SH3TC2: variants seen among roughly 807,000 people sequenced by gnomAD.
The protein encoded by SH3TC2 is SH3 domain and tetratricopeptide repeats 2, also known as SH3 domain and tetratricopeptide repeat-containing protein 2.
A neutral mutation model predicts 124.5 loss-of-function variants in SH3TC2; 87 were observed. The observed-to-expected ratio is 0.70, with a 90% CI of 0.59 to 0.84. SH3TC2 has a LOEUF of 0.84. Among genes scored for constraint, SH3TC2 ranks in the 40% least tolerant of loss-of-function variants. The probability of loss-of-function intolerance (pLI) is 0.00; values close to 1 mark genes in which losing one functional copy is unlikely to be tolerated. For missense variants in SH3TC2, 1,536 were observed against 1,566.4 expected (o/e 0.98, Z 0.33); for synonymous variants, 634 against 628.5 (o/e 1.01, Z -0.13).
intron 1 of SH3TC2, among the ~76,000 whole-genome samples, chr5:149,057,897 C>G (rs1754679054): frequency 6.6e-6 from 1 of 152,196 alleles, no homozygotes; most frequent in Non-Finnish European, 1.5e-5. Context: ...TATGCAGTGC[C>G]ATGGCCACAT....
At chr5:149,009,675 T>C (rs1406491345) in intron 14 of SH3TC2, among the ~76,000 whole-genome samples, 2 of 152,248 alleles carry the variant, frequency 1.3e-5, no homozygotes, top group Non-Finnish European at 2.9e-5. Context: ...CAGTTGGTGA[T>C]GAACAACAAT....
rs1561751880 is a variant in SH3TC2, at chr5:148,993,948, TG to T, written c.*10762del. 6.6e-6 allele frequency among the ~76,000 whole-genome samples: 1 copy of T among 152,094 alleles called. No homozygotes were observed. Among genetic ancestry groups the T allele is most frequent in the Non-Finnish European group, 1.5e-5 (1 of 67,996 alleles). On this transcript the variant is annotated 3_prime_UTR_variant, in exon 17 of 17. Transcript: ENST00000515425. ...GGCACTTTACATATATTCACACATT[TG>T]ATCCACACAACAATCCCATGAGATA...
At chr5:149,018,614 A>G (rs1753916469) in intron 12 of SH3TC2, among the ~76,000 whole-genome samples, 1 of 152,156 alleles carries the variant, frequency 6.6e-6, no homozygotes, top group Non-Finnish European at 1.5e-5. Context: ...CCATGATTCA[A>G]TTACCTCCCA....
At position 148,998,286 on chromosome 5, in the gene SH3TC2, C is replaced by T. The variant is rs1193310730; in HGVS notation, c.*6425G>A. ...AAAAAAGGATTTGACAGCCACTACC[C>T]TAGTCTGATTCAGAACTATTAATAT... On this transcript the variant is annotated 3_prime_UTR_variant, in exon 17 of 17. Coordinates refer to ENST00000515425, the MANE Select transcript of SH3TC2 (RefSeq NM_024577.4). 6.6e-6 allele frequency among the ~76,000 whole-genome samples: 1 copy of T among 152,192 alleles called. No individual in the cohort carries two copies. Among genetic ancestry groups the T allele is most frequent in the African/African-American group, 2.4e-5 (1 of 41,438 alleles).
intron 2 of SH3TC2, among the ~76,000 whole-genome samples, chr5:149,050,688 AT>A (rs1039269421): frequency 2.0e-5 from 3 of 152,228 alleles, no homozygotes; most frequent in Non-Finnish European, 2.9e-5. Flanking sequence ...GTTTGACAGA[AT>A]TTGAAATTGG....
intron 4 of SH3TC2, chr5:149,043,843 T>C (rs1754412784): frequency 6.5e-6 from 1 of 153,024 alleles, no homozygotes. Flanking sequence ...CTGCACAAAA[T>C]CTGTCCTTGT....
intron 12 of SH3TC2, chr5:149,026,252 C>G (rs549992327): frequency 6.7e-5 from 24 of 357,550 alleles, no homozygotes; most frequent in African/African-American, 4.6e-4. Context: ...TTACTGAGAC[C>G]TATCTATGTA....
In SH3TC2 at chr5:148,996,867, G is replaced by A. The variant is rs569635271; in HGVS notation, c.*7844C>T. Among the ~76,000 whole-genome samples the A allele has an allele frequency of 3.7e-4, 57 of 152,252 alleles. No homozygotes were observed. Among genetic ancestry groups the A allele is most frequent in the African/African-American group, 1.1e-3 (45 of 41,550 alleles). ...GAAGGTTAAAATAAAAGACAGAAGCGAGGTATCTATTTTCAAAATCCTTTT... is the reference window on the plus strand; with the variant it reads ...GAAGGTTAAAATAAAAGACAGAAGCAAGGTATCTATTTTCAAAATCCTTTT... On this transcript the variant is annotated 3_prime_UTR_variant, in exon 17 of 17. Coordinates refer to ENST00000515425, the MANE Select transcript of SH3TC2 (RefSeq NM_024577.4).
chr5:149,007,216 G>A, intron 15 of SH3TC2, 139 bp from the exon 16 acceptor site: 3 of 771,214 alleles, frequency 3.9e-6, no homozygotes, highest in Middle Eastern at 2.2e-4. Flanking sequence ...AGACAGAAGA[G>A]GTGCCTGTAC....
At chr5:149,046,997 C>A (rs1278401670) in intron 3 of SH3TC2, 1 of 152,138 alleles carries the variant, frequency 6.6e-6, no homozygotes, top group Non-Finnish European at 1.5e-5. Flanking sequence ...TCAGTTTGTA[C>A]CAGATTCATG....
chr5:149,034,788 G>T (rs1308818986), intron 8 of SH3TC2, among the ~76,000 whole-genome samples: 6 of 152,032 alleles, frequency 3.9e-5, no homozygotes. Flanking sequence ...CAATAAAGAT[G>T]GTCAACAAAA....
intron 15 of SH3TC2, chr5:149,007,957 A>T (rs1753718596): frequency 6.6e-6 from 1 of 152,648 alleles, no homozygotes; most frequent in Non-Finnish European, 1.5e-5. Context: ...CCAGTGAGGG[A>T]TAAAGAGTGC....
chr5:149,057,166 TTAATC>T (rs1202994249), intron 1 of SH3TC2, among the ~76,000 whole-genome samples: 1 of 152,226 alleles, frequency 6.6e-6, no homozygotes, highest in Non-Finnish European at 1.5e-5. Flanking sequence ...TATTAATACT[TTAATC>T]TACTATTTAA....
At position 148,994,696 on chromosome 5, in the gene SH3TC2, A is replaced by ATGG. The variant is rs1753477788; in HGVS notation, c.*10014_*10015insCCA. Among the ~76,000 whole-genome samples the ATGG allele has an allele frequency of 2.1e-5, 3 of 145,554 alleles. No individual in the cohort carries two copies. Among genetic ancestry groups the ATGG allele is most frequent in the African/African-American group, 7.9e-5 (3 of 38,206 alleles). On this transcript the variant is annotated 3_prime_UTR_variant, in exon 17 of 17. Coordinates refer to ENST00000515425, the MANE Select transcript of SH3TC2 (RefSeq NM_024577.4). Reference sequence around the variant, plus strand: ...GTTGGATAAATGAATGGATGGATGGAAGGATGGATGGATGGATGGATGGAT... The same window carrying ATGG: ...GTTGGATAAATGAATGGATGGATGGATGGAGGATGGATGGATGGATGGATGGAT...
chr5:149,026,428 T>C (rs965193420), intron 12 of SH3TC2, 144 bp downstream of exon 12: 5 of 907,428 alleles, frequency 5.5e-6, no homozygotes, highest in Non-Finnish European at 7.0e-6. Context: ...GATGGATGCA[T>C]TGTGGTGGCT....
Position 149,027,383 on chromosome 5 carries a change from G to A in SH3TC2, c.2349C>T (p.Ala783=), listed in dbSNP as rs1754086154. ...PDGAIHYLSQ[A]LVLGQLLGEQ... ...CACCCAGCAGCTGCCCTAGCACCAA[G>A]GCCTGGCTCAGGTAGTGGATGGCAC... Residue 783 remains alanine (A), a synonymous_variant, in exon 11 of 17, where the codon GCC becomes GCT. Coordinates refer to ENST00000515425, the MANE Select transcript of SH3TC2 (RefSeq NM_024577.4). 19 of 1,614,126 alleles carry A rather than the reference G, an allele frequency of 1.2e-5. No individual in the cohort carries two copies. The highest frequency in any genetic ancestry group is 1.6e-5 in the Non-Finnish European group (19 of 1,180,012).
Position 148,996,758 on chromosome 5 carries a change from C to T in SH3TC2, c.*7953G>A, listed in dbSNP as rs1753515543. On this transcript the variant is annotated 3_prime_UTR_variant, in exon 17 of 17. Transcript: ENST00000515425. ...AAAGTTCAATAACCAAAAAAGTCAC[C>T]TTCACACATATTTGGCCCGTGCAAG... 6.6e-6 allele frequency among the ~76,000 whole-genome samples: 1 copy of T among 152,136 alleles called. No individual in the cohort carries two copies. The highest frequency in any genetic ancestry group is 2.1e-4 in the South Asian group (1 of 4,820).
intron 1 of SH3TC2, chr5:149,062,280 T>C (rs755181293): frequency 1.9e-6 from 1 of 520,796 alleles, no homozygotes; most frequent in East Asian, 5.6e-5. Flanking sequence ...CACAGGGCCC[T>C]ACCTTGATTC....
At chr5:149,011,681 A>G (rs1418313439) in intron 13 of SH3TC2, among the ~76,000 whole-genome samples, 5 of 152,342 alleles carry the variant, frequency 3.3e-5, no homozygotes, top group African/African-American at 1.2e-4. Context: ...GGAAGCATGC[A>G]ATCAGGGTTA....
Sources: gnomAD v4.1 joint callset for allele counts (sites outside exome capture counted in the v4.1 genomes callset) on GRCh38, gnomAD v4.1.1 for gene constraint, MANE v1.5 for transcripts, NCBI Gene and HGNC (gene_info 2026-07-23, HGNC 2026-07-21) for gene names.